Variants in MLLT3 observed in about 807,000 individuals in gnomAD.
MLLT3 encodes the protein MLLT3 super elongation complex subunit.
MLLT3 carries 4 observed loss-of-function variants against 53.2 expected under a neutral mutation model. The ratio of observed to expected loss-of-function variants is 0.08; its 90% CI spans 0.04 to 0.17. The LOEUF is 0.17. Ranked by LOEUF, MLLT3 falls within the 10% of genes least tolerant of loss-of-function variation. The probability of loss-of-function intolerance (pLI) is 1.00; values close to 1 mark genes in which losing one functional copy is unlikely to be tolerated. For missense variants in MLLT3, 569 were observed against 684.0 expected (o/e 0.83, Z 1.87); for synonymous variants, 283 against 230.6 (o/e 1.23, Z -2.06).
At chr9:20,529,462 G>A (rs1179065108) in intron 2 of MLLT3, among the ~76,000 whole-genome samples, 1 of 151,448 alleles carries the variant, frequency 6.6e-6, no homozygotes, top group Non-Finnish European at 1.5e-5. Context: ...TTAGCAGAAT[G>A]TCAAACCCAA....
chr9:20,479,048 T>A (rs975024453), intron 2 of MLLT3, among the ~76,000 whole-genome samples: 2 of 152,210 alleles, frequency 1.3e-5, no homozygotes, highest in East Asian at 3.9e-4. Flanking sequence ...TCTGCCCTCA[T>A]CTGGCAGGGC....
rs1223250505 is a variant in MLLT3 at position 20,344,774 on chromosome 9, TG to T, written c.*1668del. ...CATTATCAATCTGCATTTATATAAC[TG>T]CCCAAAAGAATGGGTCTGGAAAGAC... On this transcript the variant is annotated 3_prime_UTR_variant, in exon 11 of 11. Transcript: ENST00000380338. 1 of 207,126 alleles carries T rather than the reference TG, an allele frequency of 4.8e-6. No individual in the cohort carries two copies. The highest frequency in any genetic ancestry group is 9.8e-6 in the Non-Finnish European group (1 of 101,634). The allele number at this position is 207,126 out of a possible 1,614,324, so 12.8% of individuals were successfully genotyped here. A position where few individuals can be genotyped will look rare whatever the true frequency, so the allele number is the denominator to read the frequency against.
At chr9:20,515,477 A>G (rs1179492509) in intron 2 of MLLT3, among the ~76,000 whole-genome samples, 1 of 152,062 alleles carries the variant, frequency 6.6e-6, no homozygotes, top group Non-Finnish European at 1.5e-5. Context: ...CACCATTTTT[A>G]GTTCCTATAT....
At chr9:20,617,745 T>G (rs1473695212) in intron 2 of MLLT3, among the ~76,000 whole-genome samples, 5 of 152,158 alleles carry the variant, frequency 3.3e-5, no homozygotes, top group Non-Finnish European at 7.4e-5. Context: ...CACCATTTCA[T>G]CAAAATCTCT....
chr9:20,593,548 A>G (rs550907964), intron 2 of MLLT3, among the ~76,000 whole-genome samples: 1 of 152,370 alleles, frequency 6.6e-6, no homozygotes, highest in Non-Finnish European at 1.5e-5. Context: ...TAGTAAAAAT[A>G]GGACACTGGA....
At chr9:20,419,091 C>A (rs1041480211) in intron 4 of MLLT3, among the ~76,000 whole-genome samples, 3 of 152,002 alleles carry the variant, frequency 2.0e-5, no homozygotes, top group Non-Finnish European at 4.4e-5. Context: ...GGAAGCAGAT[C>A]TAACAGATTT....
chr9:20,613,286 T>C (rs1273377679), intron 2 of MLLT3, among the ~76,000 whole-genome samples: 2 of 152,216 alleles, frequency 1.3e-5, no homozygotes, highest in African/African-American at 4.8e-5. Flanking sequence ...AAATTTTGCA[T>C]GTGAATTATA....
At chr9:20,594,711 G>T (rs961479606) in intron 2 of MLLT3, among the ~76,000 whole-genome samples, 2 of 152,132 alleles carry the variant, frequency 1.3e-5, no homozygotes, top group African/African-American at 4.8e-5. Context: ...AAACCAAGAA[G>T]GCGATGAAAG....
At chr9:20,530,789 A>T (rs1015552027) in intron 2 of MLLT3, among the ~76,000 whole-genome samples, 1 of 151,846 alleles carries the variant, frequency 6.6e-6, no homozygotes, top group Non-Finnish European at 1.5e-5. Context: ...GCACCACGAC[A>T]TGGATAATTT....
chr9:20,365,849 A>T, intron 5 of MLLT3, 105 bp from the exon 6 acceptor site: 2 of 1,070,558 alleles, frequency 1.9e-6, no homozygotes, highest in Non-Finnish European at 2.8e-6. Context: ...AAAAACCGTG[A>T]TGCATTTCAT....
chr9:20,503,447 G>C (rs571214844), intron 2 of MLLT3, among the ~76,000 whole-genome samples: 4 of 152,162 alleles, frequency 2.6e-5, no homozygotes, highest in Admixed American at 1.3e-4. Flanking sequence ...AATGGGGAAA[G>C]CACAGCCTCT....
intron 2 of MLLT3, among the ~76,000 whole-genome samples, chr9:20,612,950 C>T (rs114756602): frequency 7.9e-5 from 12 of 152,246 alleles, no homozygotes; most frequent in African/African-American, 2.9e-4. Flanking sequence ...TATGTCCAAA[C>T]CCTTGTTCAT....
chr9:20,545,096 C>CAA lies in MLLT3; in HGVS notation c.193+75556_193+75557dup, dbSNP rs60850984. 1.2e-3 allele frequency among the ~76,000 whole-genome samples: 60 copies of CAA among 48,080 alleles called. 9 individuals carry two copies. Among genetic ancestry groups the CAA allele is most frequent in the African/African-American group, 2.7e-3 (33 of 12,322 alleles). 31.5% of individuals were successfully genotyped at this position (48,080 alleles called of 152,430 possible). ...GGTGACACAGCAAGACCTATCTCTA[C>CAA]AAAAAAAAAAAAAAAAAAAAAAAAA... On this transcript the variant is annotated intron_variant, in intron 2 of 10. Transcript: ENST00000380338.
intron 5 of MLLT3, among the ~76,000 whole-genome samples, chr9:20,380,004 T>C (rs1298916482): frequency 6.6e-6 from 1 of 152,100 alleles, no homozygotes; most frequent in Non-Finnish European, 1.5e-5. Flanking sequence ...TTCATGAATA[T>C]GTAGTATTGC....
At chr9:20,523,341 C>A (rs1437780823) in intron 2 of MLLT3, among the ~76,000 whole-genome samples, 1 of 152,168 alleles carries the variant, frequency 6.6e-6, no homozygotes, top group Non-Finnish European at 1.5e-5. Flanking sequence ...ATACTCTTAC[C>A]ATATAATCCA....
intron 4 of MLLT3, among the ~76,000 whole-genome samples, chr9:20,445,845 C>T (rs1414773760): frequency 6.6e-6 from 1 of 151,890 alleles, no homozygotes; most frequent in East Asian, 1.9e-4. Flanking sequence ...ACCACAAAAC[C>T]CAGGCCAAAA....
intron 2 of MLLT3, among the ~76,000 whole-genome samples, chr9:20,534,650 G>C (rs1157327098): frequency 1.3e-5 from 2 of 152,156 alleles, no homozygotes; most frequent in Non-Finnish European, 2.9e-5. Context: ...ACTTTGGGAC[G>C]CCAAGGCGGG....
At chr9:20,513,322 G>T (rs994388628) in intron 2 of MLLT3, among the ~76,000 whole-genome samples, 6 of 152,166 alleles carry the variant, frequency 3.9e-5, no homozygotes, top group African/African-American at 1.4e-4. Flanking sequence ...AGGAAAATTA[G>T]GTCTGGGTCT....
intron 2 of MLLT3, among the ~76,000 whole-genome samples, chr9:20,499,204 C>T (rs746114430): frequency 1.2e-4 from 18 of 152,132 alleles, no homozygotes; most frequent in Non-Finnish European, 2.6e-4. Flanking sequence ...TGGACTTGGG[C>T]CAACAGTAAT....
Sources: allele counts gnomAD v4.1 joint callset (sites outside exome capture counted in the v4.1 genomes callset), GRCh38; gene constraint gnomAD v4.1.1; transcripts MANE v1.5; gene names NCBI Gene and HGNC (gene_info 2026-07-23, HGNC 2026-07-21).